CRTAC1: variants seen among roughly 807,000 people sequenced by gnomAD.
CRTAC1 encodes the protein cartilage acidic protein 1.
CRTAC1 carries 37 observed loss-of-function variants against 67.8 expected under a neutral mutation model. The ratio of observed to expected loss-of-function variants is 0.55; its 90% confidence interval spans 0.42 to 0.72. CRTAC1 has a LOEUF of 0.72. Ranked by LOEUF, CRTAC1 falls within the 30% of genes least tolerant of loss-of-function variation. CRTAC1 has a pLI of 0.00. For synonymous variants in CRTAC1, 348 were observed against 371.0 expected (o/e 0.94, Z 0.71); for missense variants, 780 against 931.6 (o/e 0.84, Z 2.12).
intron 2 of CRTAC1, among the ~76,000 whole-genome samples, chr10:98,005,258 C>T (rs1409921068): frequency 6.6e-6 from 1 of 150,636 alleles, no homozygotes; most frequent in Non-Finnish European, 1.5e-5. Context: ...GCACGTGCCA[C>T]CACGCCTGGC....
At chr10:97,865,824 G>T in intron 14 of CRTAC1, 110 bp from the exon 15 acceptor site, 5 of 1,220,880 alleles carry the variant, frequency 4.1e-6, no homozygotes, top group South Asian at 1.5e-5. Context: ...TGCCCGGGGT[G>T]GGAGGGAGGG....
At chr10:97,896,833 T>TACCAAC in intron 9 of CRTAC1, 76 bp downstream of exon 9, 1 of 450,864 alleles carries the variant, frequency 2.2e-6, no homozygotes, top group East Asian at 4.6e-5. Flanking sequence ...GGCTGCCCCG[T>TACCAAC]CCCTCCCGCC....
chr10:98,028,956 T>C (rs899317540), intron 1 of CRTAC1, among the ~76,000 whole-genome samples: 1 of 152,132 alleles, frequency 6.6e-6, no homozygotes, highest in Non-Finnish European at 1.5e-5. Flanking sequence ...AGTCCATTAG[T>C]ACCCACCGGA....
chr10:97,938,438 C>T (rs1049713802), intron 2 of CRTAC1, among the ~76,000 whole-genome samples: 8 of 152,188 alleles, frequency 5.3e-5, no homozygotes, highest in African/African-American at 1.9e-4. Context: ...AGCCCCACAC[C>T]ATCTCAGAAG....
At chr10:97,912,529 T>C (rs1207101070) in intron 5 of CRTAC1, among the ~76,000 whole-genome samples, 1 of 151,884 alleles carries the variant, frequency 6.6e-6, no homozygotes, top group East Asian at 2.0e-4. Context: ...ACGCTGGCAA[T>C]GCAGACCCAA....
At chr10:97,981,392 A>T (rs763418539) in intron 2 of CRTAC1, among the ~76,000 whole-genome samples, 4 of 152,286 alleles carry the variant, frequency 2.6e-5, no homozygotes, top group South Asian at 2.1e-4. Flanking sequence ...CTGCTGTATC[A>T]AGTTTTATAT....
At chr10:97,983,137 T>C (rs1338547934) in intron 2 of CRTAC1, among the ~76,000 whole-genome samples, 4 of 152,228 alleles carry the variant, frequency 2.6e-5, no homozygotes, top group African/African-American at 9.7e-5. Flanking sequence ...GCAATGGTGA[T>C]GCCCACTACA....
chr10:97,982,998 T>C (rs898257704), intron 2 of CRTAC1, among the ~76,000 whole-genome samples: 6 of 152,248 alleles, frequency 3.9e-5, no homozygotes, highest in African/African-American at 1.4e-4. Context: ...GGGTAAACCA[T>C]GTGAACCTTC....
chr10:97,907,983 G>A (rs777762743), intron 6 of CRTAC1, 30 bp downstream of exon 6: 2 of 1,612,734 alleles, frequency 1.2e-6, no homozygotes, highest in Non-Finnish European at 1.7e-6. Context: ...GAGGGGTCAG[G>A]GTGCACAGGG....
At chr10:97,940,963 G>A (rs901898033) in intron 2 of CRTAC1, among the ~76,000 whole-genome samples, 3 of 152,076 alleles carry the variant, frequency 2.0e-5, no homozygotes, top group African/African-American at 4.8e-5. Context: ...TCCCGCCCTC[G>A]GTAGCTCATC....
intron 2 of CRTAC1, among the ~76,000 whole-genome samples, chr10:98,000,939 C>G (rs140053538): frequency 5.3e-5 from 8 of 152,210 alleles, no homozygotes; most frequent in African/African-American, 1.9e-4. Flanking sequence ...AGGCTGCATA[C>G]AAGAAACACA....
At position 98,029,369 on chromosome 10, in the gene CRTAC1, A is replaced by C. The variant is rs1843310057; in HGVS notation, c.24+1080T>G. ...TTCTTTTCCACTTGGCTTCACGTGG[A>C]AAGTCCTGCACCCATCCCAGAAGAC... On this transcript the variant is annotated intron_variant, in intron 1 of 14. Transcript: ENST00000370597. The surrounding 1 kb of genome is among the most constrained non-coding windows in gnomAD (Gnocchi z 4.7). Among the ~76,000 whole-genome samples, 1 of 152,162 alleles carries C rather than the reference A, an allele frequency of 6.6e-6. No homozygotes were observed. The highest frequency in any genetic ancestry group is 2.1e-4 in the South Asian group (1 of 4,834).
At chr10:97,939,795 C>T (rs183133967) in intron 2 of CRTAC1, among the ~76,000 whole-genome samples, 52 of 152,284 alleles carry the variant, frequency 3.4e-4, no homozygotes, top group Non-Finnish European at 5.4e-4. Context: ...CTTTCCCCAC[C>T]TTCCCAGCCT....
intron 3 of CRTAC1, among the ~76,000 whole-genome samples, chr10:97,926,555 T>A (rs935394090): frequency 6.6e-6 from 1 of 152,076 alleles, no homozygotes; most frequent in African/African-American, 2.4e-5. Context: ...CCAGCAGGGA[T>A]GGGGGTTTAT....
At chr10:98,004,453 C>A (rs942342156) in intron 2 of CRTAC1, among the ~76,000 whole-genome samples, 1 of 152,150 alleles carries the variant, frequency 6.6e-6, no homozygotes, top group Non-Finnish European at 1.5e-5. Flanking sequence ...TAATCCAAAA[C>A]CTTTTATTTC....
chr10:97,967,042 G>A (rs1393537501), intron 2 of CRTAC1, among the ~76,000 whole-genome samples: 3 of 151,060 alleles, frequency 2.0e-5, no homozygotes, highest in Non-Finnish European at 4.4e-5. Context: ...GTCACTATGC[G>A]GCACCTACGC....
chr10:97,914,606 G>A (rs1198933904), intron 5 of CRTAC1, among the ~76,000 whole-genome samples: 1 of 152,162 alleles, frequency 6.6e-6, no homozygotes, highest in African/African-American at 2.4e-5. Flanking sequence ...AATGTCCTCA[G>A]AAAAGCTGAG....
At chr10:97,931,948 G>T (rs1043742379) in intron 3 of CRTAC1, among the ~76,000 whole-genome samples, 4 of 152,170 alleles carry the variant, frequency 2.6e-5, no homozygotes, top group African/African-American at 9.7e-5. Context: ...TCTCCTACCT[G>T]GTTTCACTGA....
intron 3 of CRTAC1, among the ~76,000 whole-genome samples, chr10:97,935,425 T>C (rs1038566928): frequency 2.6e-5 from 4 of 152,206 alleles, no homozygotes; most frequent in African/African-American, 4.8e-5. Flanking sequence ...ACCTTGTTAC[T>C]CAAAGTGTGG....
Sources: allele counts gnomAD v4.1 joint callset (sites outside exome capture counted in the v4.1 genomes callset), GRCh38; gene constraint gnomAD v4.1.1; non-coding constraint Gnocchi (gnomAD v3.1); transcripts MANE v1.5; gene names NCBI Gene and HGNC (gene_info 2026-07-23, HGNC 2026-07-21).